GATAD1: variants seen among roughly 807,000 people sequenced by gnomAD.
GATAD1 encodes the protein GATA zinc finger domain containing 1, also known as GATA zinc finger domain-containing protein 1.
A neutral mutation model predicts 26.5 loss-of-function variants in GATAD1; 12 were observed. The observed-to-expected ratio is 0.45, with a 90% confidence interval of 0.29 to 0.73. GATAD1 has a LOEUF of 0.73. Among genes scored for constraint, GATAD1 ranks in the 30% least tolerant of loss-of-function variants. The pLI is 0.10. For synonymous variants in GATAD1, 129 were observed against 133.1 expected (o/e 0.97, Z 0.21); for missense variants, 266 against 342.1 (o/e 0.78, Z 1.75).
chr7:92,460,776 CAAAAAAAAAAAA>C (rs557542327), downstream of GATAD1, among the ~76,000 whole-genome samples: 1 of 63,344 alleles, frequency 1.6e-5, no homozygotes, highest in Non-Finnish European at 3.4e-5. Context: ...GACCTTCTCT[CAAAAAAAAAAAA>C]AAAAAAAAAA....
the GATAD1 span, chr7:92,493,179 T>A: frequency 3.0e-6 from 3 of 1,008,576 alleles, no homozygotes; most frequent in East Asian, 8.0e-5. Context: ...ATTAAAAATA[T>A]TATCTTAAAT....
downstream of GATAD1, among the ~76,000 whole-genome samples, chr7:92,464,678 A>G (rs1054471575): frequency 1.3e-5 from 2 of 152,218 alleles, no homozygotes; most frequent in Non-Finnish European, 2.9e-5. Flanking sequence ...TAACTGCTGC[A>G]TGCTTCAGCT....
Position 92,458,025 on chromosome 7 carries a change from T to A in GATAD1, c.*1463T>A, listed in dbSNP as rs1028599873. The stretch of plus-strand genomic sequence containing the variant: ...TATGGTGCATGCCTGTAATCCCAGC[T>A]ACTCGGGAGGCTGAGGCAGGAGAAT... On this transcript the variant is annotated 3_prime_UTR_variant, in exon 5 of 5. Transcript: ENST00000287957. 5 of 152,192 alleles carry A rather than the reference T, an allele frequency of 3.3e-5. No individual in the cohort carries two copies. Among genetic ancestry groups the A allele is most frequent in the Non-Finnish European group, 7.3e-5 (5 of 68,126 alleles). The allele number at this position is 152,192 out of a possible 1,614,324, so 9.4% of individuals were successfully genotyped here. A position where few individuals can be genotyped will look rare whatever the true frequency, so the allele number is the denominator to read the frequency against.
downstream of GATAD1, among the ~76,000 whole-genome samples, chr7:92,464,441 A>G (rs561947636): frequency 6.6e-6 from 1 of 152,314 alleles, no homozygotes. Flanking sequence ...ATGGACAGCC[A>G]TATTTTTGTG....
chr7:92,482,592 G>A, the GATAD1 span, among the ~76,000 whole-genome samples: 2 of 151,994 alleles, frequency 1.3e-5, no homozygotes, highest in Non-Finnish European at 2.9e-5. Flanking sequence ...GCGTGTGATC[G>A]GTTGCCAGGG....
chr7:92,494,401 AG>A, the GATAD1 span: 1 of 1,613,638 alleles, frequency 6.2e-7, no homozygotes, highest in South Asian at 1.1e-5. Context: ...AAACACCTAG[AG>A]GAAAAAAGAA....
In GATAD1 at chr7:92,454,624, G is replaced by A. The variant is rs141932124; in HGVS notation, c.558G>A (p.Thr186=). The change falls in exon 4 of 5, where the codon ACG becomes ACA. Residue 186 remains threonine (T), a synonymous_variant. Coordinates refer to ENST00000287957, the MANE Select transcript of GATAD1 (RefSeq NM_021167.5). The stretch of plus-strand genomic sequence containing the variant: ...ATTGCGAGAAGAGTGCAGCACTGAC[G>A]TGGCTCATTCCTACCCTCTCTAGCC... ...DQYCEKSAAL[T]WLIPTLSSPR... 1.6e-3 allele frequency: 2,596 copies of A among 1,613,342 alleles called. 66 individuals are homozygous for A. The South Asian group carries it at 0.026, about 16-fold the overall frequency.
the GATAD1 span, chr7:92,489,178 TAGC>T: frequency 5.1e-6 from 5 of 976,246 alleles, no homozygotes; most frequent in Admixed American, 6.2e-5. Flanking sequence ...TTTTTTGAAT[TAGC>T]TTTTAAATAT....
At chr7:92,494,264 G>A in the GATAD1 span, 34 of 1,511,886 alleles carry the variant, frequency 2.2e-5, no homozygotes, top group Non-Finnish European at 3.0e-5. Flanking sequence ...CATTTGTTGG[G>A]TTTTGGACTC....
chr7:92,493,856 T>A, the GATAD1 span: 1 of 195,766 alleles, frequency 5.1e-6, no homozygotes, highest in Non-Finnish European at 1.1e-5. Flanking sequence ...ATTTGTTTGC[T>A]TCTAAATTGG....
At chr7:92,494,334 C>T in the GATAD1 span, 1 of 1,613,952 alleles carries the variant, frequency 6.2e-7, no homozygotes, top group Non-Finnish European at 8.5e-7. Context: ...TCTAGTCGAC[C>T]AGGCCTAAGC....
At chr7:92,449,582 T>TA (rs1170189689) in intron 2 of GATAD1, 19 of 979,418 alleles carry the variant, frequency 1.9e-5, no homozygotes, top group African/African-American at 1.8e-4. Flanking sequence ...ATGTTTCACT[T>TA]ACCCGTAAAG....
rs570035983 is a variant in GATAD1 at position 92,457,311 on chromosome 7, A to G, written c.*749A>G. On this transcript the variant is annotated 3_prime_UTR_variant, in exon 5 of 5. Coordinates refer to ENST00000287957, the MANE Select transcript of GATAD1 (RefSeq NM_021167.5). The stretch of plus-strand genomic sequence containing the variant: ...AAACCCTGTCTCTACTAAAAATACA[A>G]AAATTAGCCAGGTGTGGTGGCGCAC... 3.3e-5 allele frequency: 5 copies of G among 151,986 alleles called. No homozygotes were observed. The East Asian group carries it at 9.7e-4, about 29-fold the overall frequency. The allele number at this position is 151,986 out of a possible 1,614,324, so 9.4% of individuals were successfully genotyped here.
chr7:92,463,972 AAAAG>A (rs1453317466), downstream of GATAD1, among the ~76,000 whole-genome samples: 1 of 152,212 alleles, frequency 6.6e-6, no homozygotes, highest in East Asian at 1.9e-4. Flanking sequence ...AGTCTCAAAA[AAAAG>A]GTTAAAATTG....
intron 3 of GATAD1, among the ~76,000 whole-genome samples, chr7:92,453,251 A>G (rs995303640): frequency 7.2e-5 from 11 of 152,252 alleles, no homozygotes; most frequent in African/African-American, 2.7e-4. Context: ...GGGAAGCAGC[A>G]ATGAATTACA....
At chr7:92,449,890 T>G (rs1451792028) in intron 2 of GATAD1, 1 of 152,164 alleles carries the variant, frequency 6.6e-6, no homozygotes, top group African/African-American at 2.4e-5. Flanking sequence ...CAGGCCCCAG[T>G]GTGTGATGTT....
At chr7:92,465,034 C>T (rs1225956876), downstream of GATAD1, 3 of 152,152 alleles carry the variant, frequency 2.0e-5, no homozygotes, top group Non-Finnish European at 4.4e-5. Context: ...AACAATTTTT[C>T]AAAGATTCAT....
At chr7:92,463,763 G>A (rs889352880), downstream of GATAD1, among the ~76,000 whole-genome samples, 3 of 152,004 alleles carry the variant, frequency 2.0e-5, no homozygotes, top group African/African-American at 7.3e-5. Flanking sequence ...GAGGTCAAGA[G>A]TTAAGGACCA....
the GATAD1 span, among the ~76,000 whole-genome samples, chr7:92,494,991 T>C: frequency 6.6e-6 from 1 of 151,884 alleles, no homozygotes; most frequent in South Asian, 2.1e-4. Context: ...AGTCAATAAG[T>C]CAAACACTTT....
Sources: allele counts gnomAD v4.1 joint callset (sites outside exome capture counted in the v4.1 genomes callset), GRCh38; gene constraint gnomAD v4.1.1; transcripts MANE v1.5; gene names NCBI Gene and HGNC (gene_info 2026-07-23, HGNC 2026-07-21).